WWOX: variants seen among roughly 807,000 people sequenced by gnomAD.
WWOX encodes the protein WW domain-containing oxidoreductase.
Under a neutral mutation model 46.2 loss-of-function variants are expected in WWOX, and 69 were observed. The ratio of observed to expected loss-of-function variants is 1.49; its 90% CI spans 1.23 to 1.82. The LOEUF (loss-of-function observed/expected upper bound fraction) is 1.82, where lower values mean the gene tolerates loss of function less well. Among genes scored for constraint, WWOX ranks in the 40% most tolerant of loss-of-function variants. WWOX has a pLI of 0.00. For synonymous variants in WWOX, 359 were observed against 202.6 expected, an observed-to-expected ratio of 1.77 and a Z score of -6.56; for missense variants, 919 against 542.6, an observed-to-expected ratio of 1.69 and a Z score of -6.89.
intron 5 of WWOX, among the ~76,000 whole-genome samples, chr16:78,285,940 G>A (rs2079758954): frequency 1.3e-5 from 2 of 152,088 alleles, no homozygotes; most frequent in African/African-American, 4.8e-5. Flanking sequence ...TTTATTACTT[G>A]CGACCTAAAG....
At chr16:79,149,718 A>G (rs1018273593) in intron 8 of WWOX, among the ~76,000 whole-genome samples, 1 of 152,200 alleles carries the variant, frequency 6.6e-6, no homozygotes, top group Non-Finnish European at 1.5e-5. Flanking sequence ...GCCACAGACT[A>G]CATTTAGGAC....
intron 8 of WWOX, among the ~76,000 whole-genome samples, chr16:78,844,296 T>A (rs957616967): frequency 6.6e-6 from 1 of 152,196 alleles, no homozygotes; most frequent in Non-Finnish European, 1.5e-5. Context: ...CTAAGTGATA[T>A]TTATTTTTTC....
At position 78,595,304 on chromosome 16, in the gene WWOX, T is replaced by G. The variant is rs559904323; in HGVS notation, c.1056+162552T>G. Among the ~76,000 whole-genome samples, 57 of 152,182 alleles carry G rather than the reference T, an allele frequency of 3.7e-4. 1 individual carries two copies. Among genetic ancestry groups the G allele is most frequent in the African/African-American group, 1.3e-3 (56 of 41,512 alleles). On this transcript the variant is annotated intron_variant, in intron 8 of 8. Transcript: ENST00000566780. ...GGAAATGTCTTTTTTTTTTTCCTCC[T>G]TTTTCCTGAATATGGAACCAAAGCC...
chr16:78,146,477 C>T (rs2034201863), intron 4 of WWOX, among the ~76,000 whole-genome samples: 1 of 152,186 alleles, frequency 6.6e-6, no homozygotes, highest in South Asian at 2.1e-4. Flanking sequence ...AAATCAGCCT[C>T]AGCTGGAAGC....
intron 8 of WWOX, among the ~76,000 whole-genome samples, chr16:78,793,177 A>G (rs2050651155): frequency 6.6e-6 from 1 of 152,158 alleles, no homozygotes; most frequent in South Asian, 2.1e-4. Flanking sequence ...GGATCAAGTG[A>G]TCTTCACACC....
chr16:78,439,297 T>G (rs537702320), intron 8 of WWOX, among the ~76,000 whole-genome samples: 19 of 152,340 alleles, frequency 1.2e-4, no homozygotes, highest in African/African-American at 4.6e-4. Flanking sequence ...AGTCCAGATA[T>G]GTTAGAAAAC....
chr16:79,028,730 T>C lies in WWOX; in HGVS notation c.1057-182878T>C, dbSNP rs141884458. Among the ~76,000 whole-genome samples, 106 of 151,980 alleles carry C rather than the reference T, an allele frequency of 7.0e-4. 2 individuals carry two copies. The highest frequency in any genetic ancestry group is 2.5e-3 in the African/African-American group (104 of 41,230). ...AATAAATTTACTCTCTAAACTTCTT[T>C]CCACAAGAGTAGGTTTATAATTTAT... On this transcript the variant is annotated intron_variant, in intron 8 of 8. Transcript: ENST00000566780.
chr16:78,228,516 A>AT (rs1344741474), intron 5 of WWOX, among the ~76,000 whole-genome samples: 2 of 151,884 alleles, frequency 1.3e-5, no homozygotes, highest in Non-Finnish European at 2.9e-5. Flanking sequence ...TAACTTTTGT[A>AT]TTTTTTGTAG....
intron 5 of WWOX, among the ~76,000 whole-genome samples, chr16:78,178,638 G>A (rs1474797152): frequency 6.6e-6 from 1 of 152,202 alleles, no homozygotes. Flanking sequence ...GGCCGAGGCG[G>A]GTGGATCACT....
chr16:78,872,708 C>T (rs1013796877), intron 8 of WWOX: 10 of 152,132 alleles, frequency 6.6e-5, no homozygotes, highest in African/African-American at 1.2e-4. Flanking sequence ...CCACTCCCTG[C>T]GTTTCTCTTT....
At chr16:78,848,551 GC>G in intron 8 of WWOX, among the ~76,000 whole-genome samples, 1 of 152,276 alleles carries the variant, frequency 6.6e-6, no homozygotes, top group South Asian at 2.1e-4. Flanking sequence ...ATGTGGTGTT[GC>G]CTAAGGGTAC....
chr16:78,318,632 C>T (rs968179173), intron 5 of WWOX, among the ~76,000 whole-genome samples: 4 of 152,118 alleles, frequency 2.6e-5, no homozygotes, highest in Non-Finnish European at 4.4e-5. Flanking sequence ...ATAGTACCCA[C>T]CTTATAGGCT....
At chr16:78,373,646 T>TTA (rs1555528414) in intron 5 of WWOX, among the ~76,000 whole-genome samples, 11 of 152,172 alleles carry the variant, frequency 7.2e-5, no homozygotes, top group South Asian at 6.2e-4. Flanking sequence ...TTTTTTTTTT[T>TTA]AATTCTAGTC....
intron 5 of WWOX, among the ~76,000 whole-genome samples, chr16:78,330,451 C>T (rs2080727791): frequency 6.6e-6 from 1 of 151,516 alleles, no homozygotes; most frequent in Non-Finnish European, 1.5e-5. Flanking sequence ...GGCTATAGTG[C>T]ACTGGCGTGA....
chr16:78,379,570 G>C (rs2081908555), intron 5 of WWOX, among the ~76,000 whole-genome samples: 1 of 152,200 alleles, frequency 6.6e-6, no homozygotes, highest in African/African-American at 2.4e-5. Context: ...GTCTGTGCCA[G>C]GGATTCTTTT....
chr16:79,014,332 C>T (rs140407196), intron 8 of WWOX, among the ~76,000 whole-genome samples: 68 of 152,244 alleles, frequency 4.5e-4, no homozygotes, highest in African/African-American at 1.5e-3. Flanking sequence ...TGCTGGCAGT[C>T]GGGCAGTGAC....
At chr16:78,537,617 T>G (rs969638796) in intron 8 of WWOX, among the ~76,000 whole-genome samples, 1 of 152,170 alleles carries the variant, frequency 6.6e-6, no homozygotes, top group Admixed American at 6.5e-5. Context: ...GTCATACAGA[T>G]AGGCTCGAAG....
At chr16:78,396,219 TA>T (rs2082283044) in intron 6 of WWOX, among the ~76,000 whole-genome samples, 1 of 152,222 alleles carries the variant, frequency 6.6e-6, no homozygotes, top group African/African-American at 2.4e-5. Flanking sequence ...GATAACTTTT[TA>T]TGATGCCAAC....
chr16:78,583,456 A>T (rs1230419138), intron 8 of WWOX, among the ~76,000 whole-genome samples: 1 of 152,048 alleles, frequency 6.6e-6, no homozygotes, highest in African/African-American at 2.4e-5. Flanking sequence ...TAATGGCTCC[A>T]TTAAGAAGAA....
Sources: gnomAD v4.1 joint callset for allele counts (sites outside exome capture counted in the v4.1 genomes callset) on GRCh38, gnomAD v4.1.1 for gene constraint, MANE v1.5 for transcripts, NCBI Gene and HGNC (gene_info 2026-07-23, HGNC 2026-07-21) for gene names.